Variants in DNM3 observed in about 807,000 individuals in gnomAD.
DNM3 encodes dynamin-3.
Under a neutral mutation model 101.6 loss-of-function variants are expected in DNM3, and 47 were observed. The ratio of observed to expected loss-of-function variants is 0.46; its 90% CI spans 0.37 to 0.59. The LOEUF is 0.59. Among genes scored for constraint, DNM3 ranks in the 20% least tolerant of loss-of-function variants. The pLI, the probability that DNM3 is intolerant of heterozygous loss-of-function variation, is 0.00. For missense variants in DNM3, 849 were observed against 1,085.7 expected (o/e 0.78, Z 3.06); for synonymous variants, 385 against 387.9 (o/e 0.99, Z 0.09).
chr1:172,203,923 T>A (rs1267694299), intron 14 of DNM3, among the ~76,000 whole-genome samples: 1 of 152,174 alleles, frequency 6.6e-6, no homozygotes, highest in Non-Finnish European at 1.5e-5. Context: ...CACTATAAAG[T>A]GGATAAAACT....
chr1:172,327,009 AG>A (rs1216947195), intron 17 of DNM3, among the ~76,000 whole-genome samples: 6 of 152,188 alleles, frequency 3.9e-5, no homozygotes, highest in African/African-American at 1.4e-4. Flanking sequence ...CTTAGAGAGA[AG>A]GATCATTTTA....
chr1:172,077,385 G>A (rs1032981095), intron 11 of DNM3, among the ~76,000 whole-genome samples: 3 of 152,020 alleles, frequency 2.0e-5, no homozygotes, highest in African/African-American at 7.2e-5. Context: ...TGCTTCTCTT[G>A]TTCTTTTAAT....
At chr1:172,129,050 T>C (rs963360369) in intron 13 of DNM3, among the ~76,000 whole-genome samples, 3 of 152,176 alleles carry the variant, frequency 2.0e-5, no homozygotes, top group African/African-American at 7.2e-5. Context: ...ATTTATTTAT[T>C]ATACATACTG....
chr1:171,897,973 T>G (rs2037961341), intron 1 of DNM3, among the ~76,000 whole-genome samples: 1 of 152,124 alleles, frequency 6.6e-6, no homozygotes, highest in South Asian at 2.1e-4. Context: ...TCTTTGGAGT[T>G]TATTACTCTT....
intron 1 of DNM3, among the ~76,000 whole-genome samples, chr1:171,850,687 A>G (rs1389200217): frequency 6.6e-6 from 1 of 152,166 alleles, no homozygotes; most frequent in Admixed American, 6.6e-5. Context: ...AATCCTAAAA[A>G]CATATCATGT....
intron 17 of DNM3, among the ~76,000 whole-genome samples, chr1:172,353,529 CT>C (rs1204657609): frequency 3.3e-5 from 5 of 152,152 alleles, no homozygotes; most frequent in Non-Finnish European, 4.4e-5. Context: ...ATATGGCCCC[CT>C]GACCTAATCA....
At chr1:172,262,153 G>A (rs2062681578) in intron 15 of DNM3, among the ~76,000 whole-genome samples, 1 of 152,162 alleles carries the variant, frequency 6.6e-6, no homozygotes, top group Non-Finnish European at 1.5e-5. Context: ...GCCATAAGCT[G>A]GGGGCTGGGA....
intron 13 of DNM3, among the ~76,000 whole-genome samples, chr1:172,122,596 G>A (rs920015537): frequency 6.6e-6 from 1 of 152,212 alleles, no homozygotes; most frequent in South Asian, 2.1e-4. Context: ...TAACATCAGA[G>A]GATTATGCCA....
rs541920713 is a variant in DNM3, at chr1:172,379,511, C to G, written c.2058+329C>G. On this transcript the variant is annotated intron_variant, in intron 18 of 20. Transcript: ENST00000627582. ...CAAAACCAGCAAAGAAACCAGATGC[C>G]CTGGCTCCTAGACTTTGAGACTAAA... is the stretch of plus-strand genomic sequence containing the variant. Among the ~76,000 whole-genome samples, 16 of 152,064 alleles carry G rather than the reference C, an allele frequency of 1.1e-4. No homozygotes were observed. In the South Asian group the frequency reaches 3.1e-3, roughly 30 times the overall value.
At chr1:172,300,936 C>T (rs961374359) in intron 15 of DNM3, among the ~76,000 whole-genome samples, 1 of 152,192 alleles carries the variant, frequency 6.6e-6, no homozygotes, top group Admixed American at 6.5e-5. Context: ...AGTTGTAAAT[C>T]ACCTGTTCAG....
Position 172,379,160 on chromosome 1 carries a change from T to G in DNM3, c.2036T>G (p.Ile679Arg). The change falls in exon 18 of 21, where the codon ATA (isoleucine) becomes AGA (arginine). Residue 679 changes from isoleucine to arginine, a missense_variant. Physicochemically the swap from Ile to Arg is moderately conservative, Grantham distance 97. This residue lies in a region of DNM3 where 256 missense variants were observed against 311.7 expected (regional missense o/e 0.82). Coordinates refer to ENST00000627582, the MANE Select transcript of DNM3 (RefSeq NM_015569.5). ...ATCCGAGATCTAATTCCAAAAACAA[T>G]AATGCACCTTATGATCAATAACGTA... ...KCIRDLIPKT[I>R]MHLMINNVKD... 1 of 1,609,236 alleles carries G rather than the reference T, an allele frequency of 6.2e-7. No individual in the cohort carries two copies. The highest frequency in any genetic ancestry group is 1.3e-5 in the African/African-American group (1 of 74,870).
chr1:172,308,230 T>G (rs2148872655), intron 15 of DNM3, among the ~76,000 whole-genome samples: 1 of 152,188 alleles, frequency 6.6e-6, no homozygotes, highest in East Asian at 1.9e-4. Context: ...TCTCACCCTA[T>G]TAAACACTGG....
chr1:172,280,059 C>T (rs2063431220), intron 15 of DNM3, among the ~76,000 whole-genome samples: 1 of 152,106 alleles, frequency 6.6e-6, no homozygotes, highest in South Asian at 2.1e-4. Context: ...ATTGTTCACC[C>T]TGCTCCAGTG....
intron 10 of DNM3, among the ~76,000 whole-genome samples, chr1:172,054,763 A>G (rs564679582): frequency 6.6e-6 from 1 of 152,288 alleles, no homozygotes; most frequent in African/African-American, 2.4e-5. Context: ...GTTCGAGACC[A>G]CCCTGGCCAA....
chr1:171,930,614 G>A (rs74126542), intron 2 of DNM3, among the ~76,000 whole-genome samples: 5,502 of 152,200 alleles, frequency 0.036, 330 homozygotes, highest in African/African-American at 0.12. Flanking sequence ...ATGGATCCCT[G>A]GGGTCCCTCA....
intron 1 of DNM3, among the ~76,000 whole-genome samples, chr1:171,884,915 G>A (rs997362540): frequency 4.6e-5 from 7 of 152,196 alleles, no homozygotes; most frequent in African/African-American, 1.7e-4. Flanking sequence ...ACAGGGATGT[G>A]TGAGCAAATG....
chr1:171,977,591 A>G (rs920218229), intron 2 of DNM3, among the ~76,000 whole-genome samples: 1 of 152,218 alleles, frequency 6.6e-6, no homozygotes, highest in Admixed American at 6.5e-5. Flanking sequence ...AGCATCTACT[A>G]TACGGTTTCC....
In DNM3 at chr1:172,032,397, T is replaced by G; in HGVS notation, c.590-5T>G. 1 of 1,608,146 alleles carries G rather than the reference T, an allele frequency of 6.2e-7. No individual in the cohort carries two copies. Among genetic ancestry groups the G allele is most frequent in the Non-Finnish European group, 8.5e-7 (1 of 1,175,250 alleles). ...TGTGTAATGTTGGGTTTGTTTATGATGCAGGTCTGAGAACCATTGGAGTTA... is the reference window on the plus strand; with the variant it reads ...TGTGTAATGTTGGGTTTGTTTATGAGGCAGGTCTGAGAACCATTGGAGTTA... On this transcript the variant is annotated splice_polypyrimidine_tract_variant and splice_region_variant and intron_variant, in intron 4 of 20. Coordinates refer to ENST00000627582, the MANE Select transcript of DNM3 (RefSeq NM_015569.5).
intron 17 of DNM3, among the ~76,000 whole-genome samples, chr1:172,360,827 T>C (rs1316523059): frequency 6.6e-6 from 1 of 152,032 alleles, no homozygotes; most frequent in Non-Finnish European, 1.5e-5. Context: ...AGGAAGGCAC[T>C]CTTTAAAACA....
Sources: allele counts gnomAD v4.1 joint callset (sites outside exome capture counted in the v4.1 genomes callset), GRCh38; gene constraint gnomAD v4.1.1; regional missense constraint gnomAD v4.1.1; transcripts MANE v1.5; gene names NCBI Gene and HGNC (gene_info 2026-07-23, HGNC 2026-07-21).